Variants in IDO2 observed in about 807,000 individuals in gnomAD.
IDO2 encodes the protein indoleamine 2,3-dioxygenase-like 1 protein.
A neutral mutation model predicts 45.1 loss-of-function variants in IDO2; 46 were observed. The observed-to-expected ratio is 1.02, with a 90% CI of 0.80 to 1.30. The LOEUF (loss-of-function observed/expected upper bound fraction) is 1.30, where lower values mean the gene tolerates loss of function less well. Among genes scored for constraint, IDO2 ranks in the 50% most tolerant of loss-of-function variants. The pLI is 0.00. For missense variants in IDO2, 544 were observed against 491.8 expected, an observed-to-expected ratio of 1.11 and a Z score of -1.00; for synonymous variants, 218 against 184.9, an observed-to-expected ratio of 1.18 and a Z score of -1.45.
chr8:39,939,158 G>A (rs1040816053), intron 1 of IDO2, among the ~76,000 whole-genome samples: 2 of 150,302 alleles, frequency 1.3e-5, no homozygotes, highest in Non-Finnish European at 3.0e-5. Context: ...CAGGAGAATC[G>A]CTTGAACCCA....
chr8:40,015,447 A>G (rs1301347171), exon 11 of IDO2: 1 of 1,613,894 alleles, frequency 6.2e-7, no homozygotes, highest in Admixed American at 1.7e-5. Flanking sequence ...ATACCTCATC[A>G]CAGCTGCAGC....
At position 40,000,970 on chromosome 8, in the gene IDO2, C is replaced by T. The variant is rs1802125828; in HGVS notation, c.668-4357C>T. 2.0e-5 allele frequency among the ~76,000 whole-genome samples: 3 copies of T among 152,174 alleles called. No homozygotes were observed. In the South Asian group the frequency reaches 6.2e-4, roughly 32 times the overall value. On this transcript the variant is annotated intron_variant, in intron 8 of 10. Coordinates refer to ENST00000502986, the Ensembl canonical transcript of IDO2. ...TTCATCATGGTTTTACTTTGCATTT[C>T]TCTGATTTTCTTTTTAAATTTTTAA...
At position 40,005,363 on chromosome 8, in the gene IDO2, G is replaced by A. The variant is rs775170246; in HGVS notation, c.704G>A (p.Arg235Gln). Residue 235 changes from arginine (R) to glutamine (Q), a missense_variant, in exon 9 of 11, where the codon CGG (arginine) becomes CAG (glutamine). Physicochemically the swap from Arg to Gln is conservative, Grantham distance 43. Transcript: ENST00000502986. ...CCAGACATATTTTATGCAGGCATCC[G>A]GATCTTTCTCTCTGGGTAAGTATAG... is the stretch of plus-strand genomic sequence containing the variant. 8 of 1,570,186 alleles carry A rather than the reference G, an allele frequency of 5.1e-6. No homozygotes were observed. Among genetic ancestry groups the A allele is most frequent in the African/African-American group, 1.3e-5 (1 of 74,430 alleles).
chr8:40,004,039 G>GT (rs1445828384), intron 8 of IDO2, among the ~76,000 whole-genome samples: 1 of 152,092 alleles, frequency 6.6e-6, no homozygotes, highest in Non-Finnish European at 1.5e-5. Flanking sequence ...TCTTTAATAT[G>GT]TTAAGTTGGG....
intron 3 of IDO2, among the ~76,000 whole-genome samples, chr8:39,970,270 C>T (rs1431834967): frequency 3.3e-5 from 5 of 152,210 alleles, no homozygotes; most frequent in Non-Finnish European, 7.3e-5. Flanking sequence ...AAGCCATCTC[C>T]ACAACATAAA....
chr8:40,010,257 G>A (rs554475501), intron 9 of IDO2, among the ~76,000 whole-genome samples: 8 of 152,184 alleles, frequency 5.3e-5, no homozygotes, highest in South Asian at 4.2e-4. Context: ...GGAGTGAGCC[G>A]CCAAGAAGGA....
chr8:39,958,244 C>T lies in IDO2; in HGVS notation c.100-5364C>T, dbSNP rs536720993. On this transcript the variant is annotated intron_variant, in intron 2 of 10. Transcript: ENST00000502986. ...TGAGACGGAGTCTTGCTCTCTTCCC[C>T]AGGCTGGAGTGCAGTGGCTTGATCT... 1.7e-3 allele frequency among the ~76,000 whole-genome samples: 260 copies of T among 152,114 alleles called. 1 individual carries two copies. The highest frequency in any genetic ancestry group is 5.4e-3 in the African/African-American group (223 of 41,488).
intron 9 of IDO2, among the ~76,000 whole-genome samples, chr8:40,008,419 C>A (rs1300893372): frequency 4.6e-5 from 7 of 152,106 alleles, no homozygotes. Flanking sequence ...CCAGAGAAAA[C>A]TCTCTGATTT....
At chr8:39,963,162 T>C (rs1808025097) in intron 2 of IDO2, among the ~76,000 whole-genome samples, 1 of 152,228 alleles carries the variant, frequency 6.6e-6, no homozygotes, top group African/African-American at 2.4e-5. Context: ...CACCTACATC[T>C]GTTTATCTGC....
Position 39,980,850 on chromosome 8 carries a change from A to G in IDO2, c.315+1664A>G, listed in dbSNP as rs541720391. On this transcript the variant is annotated intron_variant, in intron 4 of 10. Coordinates refer to ENST00000502986, the Ensembl canonical transcript of IDO2. ...CTGCAACCTCGGCTTCCTGGGTCCA[A>G]GGGATTCTCCTGACTCAGTCTCCTG... 1.6e-4 allele frequency among the ~76,000 whole-genome samples: 24 copies of G among 149,824 alleles called. No individual in the cohort carries two copies. In the South Asian group the frequency reaches 4.5e-3, roughly 28 times the overall value.
intron 2 of IDO2, among the ~76,000 whole-genome samples, chr8:39,951,685 T>C (rs1024852717): frequency 6.6e-6 from 1 of 152,212 alleles, no homozygotes; most frequent in South Asian, 2.1e-4. Context: ...AGCCAGTGCT[T>C]GTTAAAAACT....
At chr8:39,962,744 CA>C (rs1296472978) in intron 2 of IDO2, among the ~76,000 whole-genome samples, 1 of 152,212 alleles carries the variant, frequency 6.6e-6, no homozygotes, top group East Asian at 1.9e-4. Context: ...CAGCATAAGG[CA>C]TGAATTCCTG....
intron 2 of IDO2, among the ~76,000 whole-genome samples, chr8:39,957,265 C>T (rs989390156): frequency 7.9e-5 from 12 of 151,986 alleles, no homozygotes; most frequent in African/African-American, 2.9e-4. Context: ...TCCTTATTTC[C>T]ATTCCTGTTC....
At chr8:39,984,094 T>G (rs1024665465) in intron 5 of IDO2, among the ~76,000 whole-genome samples, 5 of 152,144 alleles carry the variant, frequency 3.3e-5, no homozygotes, top group African/African-American at 1.2e-4. Context: ...GTACTGAATA[T>G]TGAATAAGCT....
intron 5 of IDO2, among the ~76,000 whole-genome samples, chr8:39,983,713 A>C (rs2129594544): frequency 6.6e-6 from 1 of 152,126 alleles, no homozygotes; most frequent in South Asian, 2.1e-4. Flanking sequence ...AAAATACAAA[A>C]AAATTAGCCG....
In IDO2 at chr8:40,015,166, A is replaced by AT. The variant is rs1195776044; in HGVS notation, c.869-81_869-80insT. On this transcript the variant is annotated intron_variant, in intron 10 of 10. Coordinates refer to ENST00000502986, the Ensembl canonical transcript of IDO2. ...CAAGATCTCATCTAGAGAAAAAAAAAATAAAAAAGAAGAAGAAGCAGACGA... is the reference window on the plus strand; with the variant it reads ...CAAGATCTCATCTAGAGAAAAAAAAATATAAAAAAGAAGAAGAAGCAGACGA... 184 of 877,978 alleles carry AT rather than the reference A, an allele frequency of 2.1e-4. 2 individuals carry two copies. In the Admixed American group the frequency reaches 4.8e-3, roughly 23 times the overall value. 54.4% of individuals were successfully genotyped at this position (877,978 alleles called of 1,614,324 possible).
intron 4 of IDO2, among the ~76,000 whole-genome samples, chr8:39,981,027 C>T (rs1808341554): frequency 6.7e-6 from 1 of 149,646 alleles, no homozygotes; most frequent in Admixed American, 6.7e-5. Context: ...GCTGTGATTA[C>T]AGGCATGGGC....
intron 8 of IDO2, among the ~76,000 whole-genome samples, chr8:39,990,835 C>T (rs909728270): frequency 3.3e-5 from 5 of 152,160 alleles, no homozygotes; most frequent in African/African-American, 7.2e-5. Context: ...CTTCCTGGAC[C>T]GGTTACATCT....
At chr8:39,979,954 T>C (rs1397696494) in intron 4 of IDO2, among the ~76,000 whole-genome samples, 1 of 152,162 alleles carries the variant, frequency 6.6e-6, no homozygotes, top group Non-Finnish European at 1.5e-5. Flanking sequence ...CCTGAGAAGC[T>C]GGGGCTACCA....
Sources: gnomAD v4.1 joint callset for allele counts (sites outside exome capture counted in the v4.1 genomes callset) on GRCh38, gnomAD v4.1.1 for gene constraint, MANE v1.5 for transcripts, NCBI Gene and HGNC (gene_info 2026-07-23, HGNC 2026-07-21) for gene names.